GPM6A: variants seen among roughly 807,000 people sequenced by gnomAD.
GPM6A encodes the protein neuronal membrane glycoprotein M6-a.
In GPM6A, 7 loss-of-function variants were observed where a neutral mutation model predicts 32.1. The ratio of observed to expected loss-of-function variants is 0.22; its 90% confidence interval spans 0.12 to 0.41. GPM6A has a LOEUF of 0.41. GPM6A is among the 10% of genes least tolerant of loss of function. The pLI is 1.00. For synonymous variants in GPM6A, 130 were observed against 123.4 expected (o/e 1.05, Z -0.35); for missense variants, 235 against 347.2 (o/e 0.68, Z 2.57).
intron 1 of GPM6A, among the ~76,000 whole-genome samples, chr4:175,780,226 T>A (rs1427980619): frequency 6.6e-6 from 1 of 152,110 alleles, no homozygotes; most frequent in African/African-American, 2.4e-5. Context: ...TTTTGTATTT[T>A]TAGTACAGAT....
chr4:175,689,709 C>A (rs1415067072), intron 2 of GPM6A, among the ~76,000 whole-genome samples: 1 of 152,160 alleles, frequency 6.6e-6, no homozygotes, highest in African/African-American at 2.4e-5. Context: ...GTATTGAAAT[C>A]TCCTACTATG....
intron 1 of GPM6A, among the ~76,000 whole-genome samples, chr4:175,829,079 G>A (rs544414642): frequency 2.6e-4 from 40 of 152,136 alleles, no homozygotes; most frequent in African/African-American, 8.4e-4. Context: ...ATGTGCCAGC[G>A]TGCAGCATGT....
chr4:175,746,479 A>G (rs1223054774), intron 1 of GPM6A, among the ~76,000 whole-genome samples: 1 of 152,176 alleles, frequency 6.6e-6, no homozygotes, highest in Admixed American at 6.6e-5. Context: ...CAGATTTAAA[A>G]TCTAATTTTT....
At chr4:175,813,591 CAAG>C (rs1166955196), upstream of GPM6A, among the ~76,000 whole-genome samples, 2 of 151,918 alleles carry the variant, frequency 1.3e-5, no homozygotes, top group Non-Finnish European at 2.9e-5. Flanking sequence ...CACACACACA[CAAG>C]GACACACACA....
intron 1 of GPM6A, among the ~76,000 whole-genome samples, chr4:175,728,460 T>G (rs1731277105): frequency 1.3e-5 from 2 of 152,240 alleles, no homozygotes; most frequent in Admixed American, 6.5e-5. Flanking sequence ...ATTGTTTTTT[T>G]GACCTTGTAT....
intron 6 of GPM6A, among the ~76,000 whole-genome samples, chr4:175,636,606 G>C (rs1030722812): frequency 6.7e-6 from 1 of 150,120 alleles, no homozygotes; most frequent in African/African-American, 2.4e-5. Flanking sequence ...GACCAGTCTG[G>C]CCAACATAGT....
At chr4:175,738,025 C>A (rs186139875) in intron 1 of GPM6A, among the ~76,000 whole-genome samples, 2 of 151,952 alleles carry the variant, frequency 1.3e-5, no homozygotes, top group East Asian at 3.9e-4. Flanking sequence ...GCAACCTCCA[C>A]CTCCTGGATT....
intron 1 of GPM6A, among the ~76,000 whole-genome samples, chr4:175,980,107 AG>A (rs539298494): frequency 3.4e-4 from 52 of 152,326 alleles, no homozygotes; most frequent in African/African-American, 1.2e-3. Flanking sequence ...AAGTTAAAAA[AG>A]CAGCAGTTTG....
At chr4:175,992,024 G>T (rs74769600) in intron 1 of GPM6A, among the ~76,000 whole-genome samples, 4 of 142,158 alleles carry the variant, frequency 2.8e-5, no homozygotes, top group Non-Finnish European at 6.1e-5. Flanking sequence ...CAATCAAAAT[G>T]AAAAAAACAA....
intron 1 of GPM6A, among the ~76,000 whole-genome samples, chr4:175,949,811 T>C (rs1420623775): frequency 1.3e-5 from 2 of 152,206 alleles, no homozygotes; most frequent in African/African-American, 4.8e-5. Context: ...CTTGAATAGA[T>C]GGTATTGTCA....
chr4:175,637,885 T>A (rs1363329101), intron 6 of GPM6A, among the ~76,000 whole-genome samples: 1 of 122,868 alleles, frequency 8.1e-6, no homozygotes, highest in Non-Finnish European at 1.6e-5. Context: ...TATTTATATA[T>A]TATATATATA....
At chr4:175,712,880 C>A (rs1745633865) in intron 1 of GPM6A, among the ~76,000 whole-genome samples, 1 of 152,332 alleles carries the variant, frequency 6.6e-6, no homozygotes, top group African/African-American at 2.4e-5. Context: ...TTAGAAAGTT[C>A]TGGCACCTTT....
chr4:175,985,463 T>A (rs1740945213), intron 1 of GPM6A, among the ~76,000 whole-genome samples: 1 of 152,208 alleles, frequency 6.6e-6, no homozygotes, highest in Non-Finnish European at 1.5e-5. Flanking sequence ...TATTTTTAAT[T>A]CTTGTAGAAT....
intron 1 of GPM6A, among the ~76,000 whole-genome samples, chr4:175,939,654 C>A (rs1393021100): frequency 6.6e-6 from 1 of 151,928 alleles, no homozygotes; most frequent in Non-Finnish European, 1.5e-5. Flanking sequence ...TATAAGCCTA[C>A]CAGATGGAAA....
intron 1 of GPM6A, among the ~76,000 whole-genome samples, chr4:175,930,363 G>T (rs1449329318): frequency 6.9e-6 from 1 of 144,258 alleles, no homozygotes; most frequent in Admixed American, 7.1e-5. Flanking sequence ...GAGCAACAAC[G>T]AAAAGCATAA....
chr4:175,923,236 T>C (rs1579630590), intron 1 of GPM6A, among the ~76,000 whole-genome samples: 2 of 32,652 alleles, frequency 6.1e-5, no homozygotes, highest in East Asian at 1.7e-3. Flanking sequence ...TATATATATA[T>C]ATATATATAT....
intron 4 of GPM6A, among the ~76,000 whole-genome samples, chr4:175,645,140 A>G (rs565080626): frequency 1.3e-5 from 2 of 152,232 alleles, no homozygotes; most frequent in South Asian, 2.1e-4. Flanking sequence ...CAAGAGAAGC[A>G]TTAAGAACTG....
chr4:175,996,446 G>A (rs1298362642), intron 1 of GPM6A, among the ~76,000 whole-genome samples: 1 of 152,180 alleles, frequency 6.6e-6, no homozygotes, highest in African/African-American at 2.4e-5. Context: ...ATTGTGACAA[G>A]AGGATATTGA....
intron 1 of GPM6A, among the ~76,000 whole-genome samples, chr4:175,892,877 C>T (rs1737688674): frequency 6.6e-6 from 1 of 152,212 alleles, no homozygotes; most frequent in Non-Finnish European, 1.5e-5. Context: ...AATGTCAAGA[C>T]TCAGATCAGG....
Sources: allele counts gnomAD v4.1 joint callset (sites outside exome capture counted in the v4.1 genomes callset), GRCh38; gene constraint gnomAD v4.1.1; transcripts MANE v1.5; gene names NCBI Gene and HGNC (gene_info 2026-07-23, HGNC 2026-07-21).